DHRSX: variants seen among roughly 807,000 people sequenced by gnomAD.
DHRSX encodes the protein polyprenol dehydrogenase.
DHRSX carries 31 observed loss-of-function variants against 34.0 expected under a neutral mutation model. The ratio of observed to expected loss-of-function variants is 0.91; its 90% CI spans 0.69 to 1.23. The LOEUF (loss-of-function observed/expected upper bound fraction) is 1.23. DHRSX is among the 50% of genes most tolerant of loss of function. DHRSX has a pLI of 0.00. For synonymous variants in DHRSX, 201 were observed against 183.8 expected (o/e 1.09, Z -0.76); for missense variants, 414 against 428.1 (o/e 0.97, Z 0.29).
chrX:2,403,644 C>T (rs1603053817), intron 3 of DHRSX, among the ~76,000 whole-genome samples: 1 of 151,978 alleles, frequency 6.6e-6, no homozygotes, highest in Non-Finnish European at 1.5e-5. Context: ...TATCTGAGGT[C>T]AAGAGTTTGA....
intron 3 of DHRSX, among the ~76,000 whole-genome samples, chrX:2,366,765 T>C (rs2042998712): frequency 6.6e-6 from 1 of 150,804 alleles, no homozygotes; most frequent in Admixed American, 6.6e-5. Flanking sequence ...CCGGATAATT[T>C]TTTTTTTTTT....
intron 1 of DHRSX, among the ~76,000 whole-genome samples, chrX:2,447,279 C>A (rs2124672721): frequency 6.6e-6 from 1 of 152,282 alleles, no homozygotes; most frequent in South Asian, 2.1e-4. Flanking sequence ...AGCCAAGGGA[C>A]TGCCACCGTG....
chrX:2,249,191 C>CTT (rs541852639), intron 5 of DHRSX, among the ~76,000 whole-genome samples: 68,557 of 118,742 alleles, frequency 0.58, 22,348 homozygotes, highest in Non-Finnish European at 0.74. Flanking sequence ...AATCATAAAT[C>CTT]TTTTTTTTTT....
chrX:2,347,476 C>G (rs1239764469), intron 3 of DHRSX, among the ~76,000 whole-genome samples: 1 of 152,152 alleles, frequency 6.6e-6, no homozygotes, highest in Non-Finnish European at 1.5e-5. Context: ...GGTGGATCAC[C>G]TGAGCTCAGG....
At chrX:2,262,131 G>A (rs1414689778) in intron 5 of DHRSX, among the ~76,000 whole-genome samples, 1 of 152,202 alleles carries the variant, frequency 6.6e-6, no homozygotes, top group Non-Finnish European at 1.5e-5. Flanking sequence ...CTCAGGCCTG[G>A]AGTTAGGGAA....
chrX:2,438,802 C>T (rs183885525), intron 1 of DHRSX, among the ~76,000 whole-genome samples: 168 of 150,962 alleles, frequency 1.1e-3, no homozygotes, highest in African/African-American at 4.0e-3. Context: ...TATACACATA[C>T]ATATATATGC....
Position 2,394,474 on chromosome X carries a change from A to C in DHRSX, c.286+14271T>G, listed in dbSNP as rs188095344. On this transcript the variant is annotated intron_variant, in intron 3 of 6. Coordinates refer to ENST00000334651, the MANE Select transcript of DHRSX (RefSeq NM_145177.3). ...GGTTAGAGCTACAGGTGAGGGTAAGAGGTCAGAATGCCAGGTGAAGATGAG... is the reference window on the plus strand; with the variant it reads ...GGTTAGAGCTACAGGTGAGGGTAAGCGGTCAGAATGCCAGGTGAAGATGAG... Among the ~76,000 whole-genome samples the C allele has an allele frequency of 3.9e-3, 587 of 152,336 alleles. 3 individuals carry two copies. The highest frequency in any genetic ancestry group is 0.014 in the African/African-American group (566 of 41,578).
chrX:2,268,231 T>A (rs1246853865), intron 4 of DHRSX, among the ~76,000 whole-genome samples: 1 of 152,158 alleles, frequency 6.6e-6, no homozygotes, highest in Non-Finnish European at 1.5e-5. Flanking sequence ...GGAGGCCTGA[T>A]CTCAAAGGTG....
At chrX:2,270,644 C>G (rs1185683337) in intron 4 of DHRSX, among the ~76,000 whole-genome samples, 3 of 152,154 alleles carry the variant, frequency 2.0e-5, no homozygotes, top group Non-Finnish European at 4.4e-5. Context: ...CTTATTCTGG[C>G]TGTAGCCTCC....
At chrX:2,420,700 G>A (rs1287068944) in intron 2 of DHRSX, among the ~76,000 whole-genome samples, 4 of 151,636 alleles carry the variant, frequency 2.6e-5, no homozygotes, top group Admixed American at 6.6e-5. Flanking sequence ...CTGAGATCGC[G>A]CCACTGCACT....
rs780836914 is a variant in DHRSX at position 2,390,843 on chromosome X, T to G, written c.286+17902A>C. 1.6e-3 allele frequency among the ~76,000 whole-genome samples: 248 copies of G among 152,250 alleles called. 1 individual carries two copies. The highest frequency in any genetic ancestry group is 0.01 in the Middle Eastern group (3 of 294). ...CTTCCTTTTTTATGGCTGTGTAATATTCCATCATTTGGATACACCACATTT... is the reference window on the plus strand; with the variant it reads ...CTTCCTTTTTTATGGCTGTGTAATAGTCCATCATTTGGATACACCACATTT... On this transcript the variant is annotated intron_variant, in intron 3 of 6. Transcript: ENST00000334651.
intron 3 of DHRSX, among the ~76,000 whole-genome samples, chrX:2,356,709 A>G (rs1003100801): frequency 6.6e-6 from 1 of 152,198 alleles, no homozygotes; most frequent in Non-Finnish European, 1.5e-5. Flanking sequence ...CTCCATGTGA[A>G]GATGATGAGG....
intron 1 of DHRSX, among the ~76,000 whole-genome samples, chrX:2,429,298 A>G (rs996526547): frequency 6.6e-6 from 1 of 152,244 alleles, no homozygotes; most frequent in Admixed American, 6.5e-5. Context: ...TATACTGTGT[A>G]TGTATACATG....
At chrX:2,443,781 C>A (rs1459418510) in intron 1 of DHRSX, among the ~76,000 whole-genome samples, 1 of 151,910 alleles carries the variant, frequency 6.6e-6, no homozygotes, top group Admixed American at 6.6e-5. Flanking sequence ...CCGAGGCGGG[C>A]AGATCACGAG....
chrX:2,428,370 C>G (rs1325123444), intron 1 of DHRSX, among the ~76,000 whole-genome samples: 1 of 152,148 alleles, frequency 6.6e-6, no homozygotes. Context: ...GGAACCAACC[C>G]AAATGCCCAT....
chrX:2,237,686 G>A (rs759147810), intron 6 of DHRSX, among the ~76,000 whole-genome samples: 1 of 151,994 alleles, frequency 6.6e-6, no homozygotes, highest in East Asian at 1.9e-4. Context: ...TGTATTTTTA[G>A]TAGAGACTGG....
chrX:2,394,867 TG>T lies in DHRSX; in HGVS notation c.286+13877del, dbSNP rs1436424112. 8.4e-5 allele frequency among the ~76,000 whole-genome samples: 12 copies of T among 142,802 alleles called. No individual in the cohort carries two copies. The East Asian group carries it at 2.5e-3, about 30-fold the overall frequency. The allele number at this position is 142,802 out of a possible 152,430, so 93.7% of individuals were successfully genotyped here. A position where few individuals can be genotyped will look rare whatever the true frequency, so the allele number is the denominator to read the frequency against. On this transcript the variant is annotated intron_variant, in intron 3 of 6. Transcript: ENST00000334651. ...GGCAACACAGTGAGACTCCGTCTCATGAAAAAAAAAAAAAAGAGTTGGAGTT... is the reference window on the plus strand; with the variant it reads ...GGCAACACAGTGAGACTCCGTCTCATAAAAAAAAAAAAAAGAGTTGGAGTT...
intron 5 of DHRSX, among the ~76,000 whole-genome samples, chrX:2,248,509 A>C (rs1210089634): frequency 6.7e-6 from 1 of 149,122 alleles, no homozygotes; most frequent in Non-Finnish European, 1.5e-5. Flanking sequence ...GCTACTCGGG[A>C]GGCTGAGGCA....
At chrX:2,454,342 T>C (rs1289797566) in intron 1 of DHRSX, among the ~76,000 whole-genome samples, 21 of 151,418 alleles carry the variant, frequency 1.4e-4, no homozygotes, top group Non-Finnish European at 2.8e-4. Flanking sequence ...GCCTGACCAA[T>C]ATGCTGAAAC....
Sources: allele counts gnomAD v4.1 joint callset (sites outside exome capture counted in the v4.1 genomes callset), GRCh38; gene constraint gnomAD v4.1.1; transcripts MANE v1.5; gene names NCBI Gene and HGNC (gene_info 2026-07-23, HGNC 2026-07-21).